Variants in NSD1 observed in about 807,000 individuals in gnomAD.
The protein encoded by NSD1 is nuclear receptor binding SET domain protein 1.
Under a neutral mutation model 242.7 loss-of-function variants are expected in NSD1, and 26 were observed. That is an observed-to-expected ratio of 0.11 (90% CI 0.08 to 0.15). The LOEUF (loss-of-function observed/expected upper bound fraction) is 0.15. Among genes scored for constraint, NSD1 ranks in the 10% least tolerant of loss-of-function variants. The pLI, the probability that NSD1 is intolerant of heterozygous loss-of-function variation, is 1.00. For missense variants in NSD1, 2,495 were observed against 3,272.8 expected, an observed-to-expected ratio of 0.76 and a Z score of 5.80; for synonymous variants, 1,106 against 1,178.1, an observed-to-expected ratio of 0.94 and a Z score of 1.25.
At chr5:177,235,525 G>A (rs2149883341) in intron 5 of NSD1, among the ~76,000 whole-genome samples, 1 of 152,234 alleles carries the variant, frequency 6.6e-6, no homozygotes, top group Non-Finnish European at 1.5e-5. Flanking sequence ...ATATGTACAG[G>A]TGTCAGTGAC....
intron 11 of NSD1, among the ~76,000 whole-genome samples, chr5:177,251,326 G>A (rs1385199802): frequency 2.6e-5 from 4 of 152,178 alleles, no homozygotes; most frequent in Non-Finnish European, 5.9e-5. Context: ...CTCTGGGATG[G>A]TTGTAGGTAT....
At chr5:177,219,481 G>A (rs1336195357) in intron 5 of NSD1, among the ~76,000 whole-genome samples, 2 of 152,012 alleles carry the variant, frequency 1.3e-5, no homozygotes, top group African/African-American at 4.8e-5. Flanking sequence ...CACCGCGCCC[G>A]GCCCTGTCAA....
At chr5:177,156,524 A>T (rs1299772582) in intron 2 of NSD1, among the ~76,000 whole-genome samples, 1 of 152,168 alleles carries the variant, frequency 6.6e-6, no homozygotes, top group South Asian at 2.1e-4. Context: ...AACTTAAAAA[A>T]TCAGACTTGG....
At chr5:177,239,185 T>G (rs1765667580) in intron 7 of NSD1, among the ~76,000 whole-genome samples, 1 of 152,224 alleles carries the variant, frequency 6.6e-6, no homozygotes, top group South Asian at 2.1e-4. Context: ...ATGTTATTCC[T>G]TAAAGAAACG....
intron 4 of NSD1, among the ~76,000 whole-genome samples, chr5:177,205,375 G>A (rs1358075933): frequency 1.3e-5 from 2 of 151,766 alleles, no homozygotes; most frequent in Non-Finnish European, 1.5e-5. Flanking sequence ...TTTTATGTTT[G>A]TCAGTGCTTA....
intron 10 of NSD1, among the ~76,000 whole-genome samples, chr5:177,247,718 A>G (rs1766414914): frequency 6.6e-6 from 1 of 152,254 alleles, no homozygotes; most frequent in African/African-American, 2.4e-5. Context: ...CTTGCAAAGC[A>G]TCAGTGCAAT....
intron 2 of NSD1, among the ~76,000 whole-genome samples, chr5:177,160,614 C>CT (rs1237209935): frequency 1.3e-5 from 2 of 151,958 alleles, no homozygotes; most frequent in East Asian, 3.9e-4. Context: ...GCAATTACTT[C>CT]TTAAGTTCTC....
chr5:177,219,230 G>T (rs1257659765), intron 5 of NSD1, among the ~76,000 whole-genome samples: 1 of 151,710 alleles, frequency 6.6e-6, no homozygotes, highest in Admixed American at 6.6e-5. Context: ...TCTGTCGCCA[G>T]GCTGGAGTGA....
At chr5:177,225,403 A>C (rs1468065382) in intron 5 of NSD1, among the ~76,000 whole-genome samples, 1 of 152,152 alleles carries the variant, frequency 6.6e-6, no homozygotes, top group Non-Finnish European at 1.5e-5. Context: ...TGAGCCTCCC[A>C]AAGTGCTGGG....
intron 3 of NSD1, among the ~76,000 whole-genome samples, chr5:177,197,923 A>G (rs184050791): frequency 3.3e-4 from 50 of 152,244 alleles, no homozygotes; most frequent in African/African-American, 1.2e-3. Flanking sequence ...GGCAATGGAG[A>G]CAGAGACAGA....
intron 16 of NSD1, among the ~76,000 whole-genome samples, chr5:177,270,239 G>A (rs555040108): frequency 9.2e-5 from 14 of 152,270 alleles, no homozygotes; most frequent in Admixed American, 7.2e-4. Context: ...GAACAAACTA[G>A]TAAAGGTCAA....
At chr5:177,191,694 A>G (rs991316455) in intron 2 of NSD1, among the ~76,000 whole-genome samples, 190 bp from the exon 3 acceptor site, 7 of 152,234 alleles carry the variant, frequency 4.6e-5, no homozygotes, top group Admixed American at 6.5e-5. Flanking sequence ...AGAACTATGT[A>G]TAAAGGGCTA....
At chr5:177,178,591 T>A (rs1201361479) in intron 2 of NSD1, among the ~76,000 whole-genome samples, 1 of 152,206 alleles carries the variant, frequency 6.6e-6, no homozygotes, top group African/African-American at 2.4e-5. Context: ...AACAAATTTA[T>A]AATGATTTTA....
rs1029486253 is a variant in NSD1 at position 177,299,782 on chromosome 5, C to T, written c.*4323C>T. 4.3e-6 allele frequency: 1 copy of T among 233,124 alleles called. No individual in the cohort carries two copies. The highest frequency in any genetic ancestry group is 5.6e-5 in the Admixed American group (1 of 17,766). 14.4% of individuals were successfully genotyped at this position (233,124 alleles called of 1,614,324 possible). On this transcript the variant is annotated 3_prime_UTR_variant, in exon 23 of 23. Transcript: ENST00000439151. ...GTTCAGCAAAGTTTCGTGGACAAGACATGGGCACAGAGAGTAGAAGCAGAA... is the reference window on the plus strand; with the variant it reads ...GTTCAGCAAAGTTTCGTGGACAAGATATGGGCACAGAGAGTAGAAGCAGAA...
intron 4 of NSD1, among the ~76,000 whole-genome samples, chr5:177,207,593 ATTTTTTTTTTTT>A (rs150492535): frequency 1.0e-3 from 79 of 78,218 alleles, no homozygotes; most frequent in Non-Finnish European, 1.3e-3. Context: ...ATTTATTTAA[ATTTTTTTTTTTT>A]TTTTTTTTTT....
intron 5 of NSD1, among the ~76,000 whole-genome samples, chr5:177,216,802 G>A (rs1028514898): frequency 2.0e-5 from 3 of 151,424 alleles, no homozygotes; most frequent in African/African-American, 4.9e-5. Flanking sequence ...GATTACAGGT[G>A]TGAGCCACCA....
intron 5 of NSD1, among the ~76,000 whole-genome samples, chr5:177,221,822 T>C (rs936431720): frequency 6.6e-6 from 1 of 151,912 alleles, no homozygotes; most frequent in Non-Finnish European, 1.5e-5. Flanking sequence ...GTTTTTTCTT[T>C]TTTTGAGACA....
intron 17 of NSD1, among the ~76,000 whole-genome samples, chr5:177,275,155 A>G (rs1758264613): frequency 6.6e-6 from 1 of 151,114 alleles, no homozygotes; most frequent in South Asian, 2.1e-4. Context: ...AAACTGAAAA[A>G]CTTTCGTTGT....
chr5:177,207,833 C>T (rs1360981250), intron 4 of NSD1, among the ~76,000 whole-genome samples: 2 of 151,888 alleles, frequency 1.3e-5, no homozygotes, highest in African/African-American at 4.8e-5. Context: ...ACTTTCACCT[C>T]CTGGGCACAA....
Sources: allele counts gnomAD v4.1 joint callset (sites outside exome capture counted in the v4.1 genomes callset), GRCh38; gene constraint gnomAD v4.1.1; transcripts MANE v1.5; gene names NCBI Gene and HGNC (gene_info 2026-07-23, HGNC 2026-07-21).